LPAR3: variants seen among roughly 807,000 people sequenced by gnomAD.
The protein encoded by LPAR3 is LPA receptor 3.
Under a neutral mutation model 17.8 loss-of-function variants are expected in LPAR3, and 7 were observed. That is an observed-to-expected ratio of 0.39 (90% CI 0.22 to 0.74). The LOEUF (loss-of-function observed/expected upper bound fraction) is 0.74. Among genes scored for constraint, LPAR3 ranks in the 30% least tolerant of loss-of-function variants. LPAR3 has a pLI of 0.40. For synonymous variants in LPAR3, 179 were observed against 179.9 expected (o/e 0.99, Z 0.04); for missense variants, 391 against 453.4 (o/e 0.86, Z 1.25).
intron 2 of LPAR3, among the ~76,000 whole-genome samples, chr1:84,828,170 G>A (rs963674609): frequency 1.3e-5 from 2 of 152,020 alleles, no homozygotes; most frequent in Admixed American, 6.5e-5. Flanking sequence ...CTAAGTGAGC[G>A]ATGGACACAC....
At chr1:84,843,933 C>T (rs1438967196) in intron 2 of LPAR3, among the ~76,000 whole-genome samples, 1 of 152,224 alleles carries the variant, frequency 6.6e-6, no homozygotes, top group Non-Finnish European at 1.5e-5. Context: ...TCCATGACCA[C>T]CCAGTCTAAA....
intron 1 of LPAR3, among the ~76,000 whole-genome samples, chr1:84,878,610 T>C (rs1260549549): frequency 6.6e-6 from 1 of 152,170 alleles, no homozygotes; most frequent in Non-Finnish European, 1.5e-5. Flanking sequence ...GGGCAGCATG[T>C]ATGCACTCTC....
intron 2 of LPAR3, among the ~76,000 whole-genome samples, chr1:84,847,457 T>C (rs781290688): frequency 3.3e-5 from 5 of 152,176 alleles, no homozygotes; most frequent in Non-Finnish European, 5.9e-5. Flanking sequence ...TGAAACCACA[T>C]TTCTATGAAG....
rs113668388 is a variant in LPAR3, at chr1:84,868,114, A to AT, written c.-18-1977dup. On this transcript the variant is annotated intron_variant, in intron 1 of 2. Transcript: ENST00000370611. The stretch of plus-strand genomic sequence containing the variant: ...TGAAACTCCACTTAAGAGAGATAGC[A>AT]TTTTTTTTTTTCCAAGATGGAGTCT... 1.8e-4 allele frequency among the ~76,000 whole-genome samples: 27 copies of AT among 148,976 alleles called. 1 individual carries two copies. The highest frequency in any genetic ancestry group is 8.5e-4 in the South Asian group (4 of 4,682).
intron 2 of LPAR3, among the ~76,000 whole-genome samples, chr1:84,854,719 C>T (rs917396736): frequency 2.6e-5 from 4 of 152,098 alleles, no homozygotes; most frequent in Non-Finnish European, 5.9e-5. Context: ...CAGAAAAAAA[C>T]ATAAAGAATA....
At chr1:84,840,923 T>G (rs1408238342) in intron 2 of LPAR3, among the ~76,000 whole-genome samples, 1 of 152,228 alleles carries the variant, frequency 6.6e-6, no homozygotes, top group African/African-American at 2.4e-5. Flanking sequence ...CTGAAAACAG[T>G]GGCCGGTTTT....
intron 1 of LPAR3, among the ~76,000 whole-genome samples, chr1:84,891,530 T>C (rs1660552183): frequency 6.6e-6 from 1 of 152,178 alleles, no homozygotes; most frequent in South Asian, 2.1e-4. Context: ...TTTCTAACCG[T>C]ATCACTTCTG....
chr1:84,836,237 C>T (rs1296077499), intron 2 of LPAR3, among the ~76,000 whole-genome samples: 3 of 149,950 alleles, frequency 2.0e-5, no homozygotes, highest in East Asian at 4.0e-4. Flanking sequence ...ACTCAGGAGG[C>T]TGAGCTGGGA....
chr1:84,871,680 T>G (rs1029804137), intron 1 of LPAR3, among the ~76,000 whole-genome samples: 3 of 152,222 alleles, frequency 2.0e-5, no homozygotes, highest in Admixed American at 1.3e-4. Context: ...ACTGAATTCC[T>G]TTTAATAATT....
Position 84,854,081 on chromosome 1 carries a change from C to G in LPAR3, c.736+11304G>C, listed in dbSNP as rs542127820. On this transcript the variant is annotated intron_variant, in intron 2 of 2. Coordinates refer to ENST00000370611, the MANE Select transcript of LPAR3 (RefSeq NM_012152.3). The stretch of plus-strand genomic sequence containing the variant: ...ATCTGACAATGAAGTCCACAGGACC[C>G]TAGGATCCAAGGCCTTCCAGTCTCT... 9.8e-5 allele frequency among the ~76,000 whole-genome samples: 15 copies of G among 152,300 alleles called. No individual in the cohort carries two copies. In the South Asian group the frequency reaches 3.1e-3, roughly 32 times the overall value.
chr1:84,892,065 T>C (rs1660561917), intron 1 of LPAR3, among the ~76,000 whole-genome samples: 1 of 151,492 alleles, frequency 6.6e-6, no homozygotes, highest in Non-Finnish European at 1.5e-5. Context: ...TACAAAAAAT[T>C]AGCCTAGCGT....
chr1:84,847,892 C>T (rs1416385605), intron 2 of LPAR3, among the ~76,000 whole-genome samples: 2 of 152,230 alleles, frequency 1.3e-5, no homozygotes, highest in African/African-American at 4.8e-5. Flanking sequence ...AAGGAAGTAG[C>T]ATCTGTGGTC....
chr1:84,887,976 G>C (rs1660489845), intron 1 of LPAR3, among the ~76,000 whole-genome samples: 1 of 152,058 alleles, frequency 6.6e-6, no homozygotes, highest in South Asian at 2.1e-4. Flanking sequence ...ATAGTGTTTT[G>C]TATCAATGTC....
At chr1:84,827,252 C>T (rs1432245660) in intron 2 of LPAR3, among the ~76,000 whole-genome samples, 1 of 152,166 alleles carries the variant, frequency 6.6e-6, no homozygotes, top group African/African-American at 2.4e-5. Context: ...TTGTACTATA[C>T]ACTGAGCCAA....
chr1:84,841,827 C>T (rs2102754867), intron 2 of LPAR3, among the ~76,000 whole-genome samples: 1 of 152,222 alleles, frequency 6.6e-6, no homozygotes, highest in Non-Finnish European at 1.5e-5. Context: ...TCCCTGGACC[C>T]CAGCTCTGGC....
rs755186572 is a variant in LPAR3, at chr1:84,814,089, A to T, written c.819T>A (p.His273Gln). The T allele has an allele frequency of 1.2e-6, 2 of 1,614,164 alleles. No homozygotes were observed. Among genetic ancestry groups the T allele is most frequent in the Admixed American group, 3.3e-5 (2 of 60,016 alleles). ...GLNCRQCGVQ[H>Q]VKRWFLLLAL... ...CCAGCAGCAGGAACCACCTTTTCACATGCTGCACGCCACACTGCCTGCAGT... is the reference window on the plus strand; with the variant it reads ...CCAGCAGCAGGAACCACCTTTTCACTTGCTGCACGCCACACTGCCTGCAGT... The change falls in exon 3 of 3, where the codon CAT (histidine) becomes CAA (glutamine). Residue 273 changes from histidine to glutamine, a missense_variant. His to Gln is a conservative substitution (Grantham distance 24). Coordinates refer to ENST00000370611, the MANE Select transcript of LPAR3 (RefSeq NM_012152.3).
intron 2 of LPAR3, among the ~76,000 whole-genome samples, chr1:84,853,028 G>A (rs1248546802): frequency 1.3e-5 from 2 of 151,492 alleles, no homozygotes; most frequent in African/African-American, 4.9e-5. Flanking sequence ...GACTGAGGCA[G>A]AAGGATCGCT....
chr1:84,817,261 T>TCTCACACA (rs374303505), intron 2 of LPAR3, among the ~76,000 whole-genome samples: 4 of 147,426 alleles, frequency 2.7e-5, no homozygotes, highest in African/African-American at 1.0e-4. Context: ...CCAGGATCTA[T>TCTCACACA]CACACACACA....
At chr1:84,863,574 A>G (rs1570892365) in intron 2 of LPAR3, among the ~76,000 whole-genome samples, 1 of 152,112 alleles carries the variant, frequency 6.6e-6, no homozygotes, top group East Asian at 1.9e-4. Flanking sequence ...CTACGGCTCC[A>G]TCCTTGGTCC....
Sources: gnomAD v4.1 joint callset for allele counts (sites outside exome capture counted in the v4.1 genomes callset) on GRCh38, gnomAD v4.1.1 for gene constraint, MANE v1.5 for transcripts, NCBI Gene and HGNC (gene_info 2026-07-23, HGNC 2026-07-21) for gene names.